Variants in SBNO2 observed in about 807,000 individuals in gnomAD.
The protein encoded by SBNO2 is protein strawberry notch homolog 2.
A neutral mutation model predicts 146.3 loss-of-function variants in SBNO2; 89 were observed. That is an observed-to-expected ratio of 0.61 (90% confidence interval 0.51 to 0.73). The LOEUF is 0.73. Ranked by LOEUF, SBNO2 falls within the 30% of genes least tolerant of loss-of-function variation. The pLI, the probability that SBNO2 is intolerant of heterozygous loss-of-function variation, is 0.00. For missense variants in SBNO2, 2,092 were observed against 2,003.7 expected, an observed-to-expected ratio of 1.04 and a Z score of -0.84; for synonymous variants, 1,147 against 892.6, an observed-to-expected ratio of 1.29 and a Z score of -5.08.
At position 1,150,557 on chromosome 19, in the gene SBNO2, C is replaced by T. The variant is rs1430037366; in HGVS notation, c.94-1115G>A. Among the ~76,000 whole-genome samples the T allele has an allele frequency of 1.3e-4, 19 of 151,904 alleles. No homozygotes were observed. Among genetic ancestry groups the T allele is most frequent in the South Asian group, 4.2e-4 (2 of 4,810 alleles). On this transcript the variant is annotated intron_variant, in intron 2 of 31. Coordinates refer to ENST00000361757, the MANE Select transcript of SBNO2 (RefSeq NM_014963.3). The surrounding 1 kb of genome is among the most constrained non-coding windows in gnomAD (Gnocchi z 6.2). ...ACGGGGGAGACCCTGCCGTCACGGA[C>T]GCCCCCGTGGTCATGGGGGAGACAC... is the stretch of plus-strand genomic sequence containing the variant.
intron 1 of SBNO2, among the ~76,000 whole-genome samples, chr19:1,164,399 GAGGAGGAGGAGGAGGAGGAAC>G (rs1220181551): frequency 7.0e-5 from 7 of 99,416 alleles, no homozygotes; most frequent in South Asian, 4.0e-4. Flanking sequence ...GGAGGAGGAG[GAGGAGGAGGAGGAGGAGGAAC>G]AGGAGGAGGA....
At chr19:1,146,192 C>T (rs911721574) in intron 4 of SBNO2, among the ~76,000 whole-genome samples, 3 of 152,212 alleles carry the variant, frequency 2.0e-5, no homozygotes, top group South Asian at 4.1e-4. Context: ...CCAAAAAGAC[C>T]CTACTTTCCA....
chr19:1,122,320 G>T, intron 10 of SBNO2, 38 bp from the exon 11 acceptor site: 1 of 1,528,140 alleles, frequency 6.5e-7, no homozygotes, highest in Admixed American at 2.0e-5. Flanking sequence ...TGGGGCCCCG[G>T]CTCAGCAGGC....
rs1231850033 is a variant in SBNO2, at chr19:1,112,800, T to C, written c.2379+18A>G. The stretch of plus-strand genomic sequence containing the variant: ...CTTGGGTCCCGTGGGCCGCGCCCAG[T>C]GCACTGCAGCCCCGCACCTTCTCGC... On this transcript the variant is annotated intron_variant, in intron 20 of 31. Transcript: ENST00000361757. The surrounding 1 kb of genome is among the most constrained non-coding windows in gnomAD (Gnocchi z 5.9). 1 of 1,558,454 alleles carries C rather than the reference T, an allele frequency of 6.4e-7. No homozygotes were observed. The highest frequency in any genetic ancestry group is 1.9e-5 in the Admixed American group (1 of 52,670).
In SBNO2 at chr19:1,109,102, C is replaced by T. The variant is rs746360732; in HGVS notation, c.3425+33G>A. ...TCCCCGCCTGGGTCGCCGCCATCTG[C>T]CGGTTTCCCCCTGGTCCCCGGCCCG... On this transcript the variant is annotated intron_variant, in intron 30 of 31. Coordinates refer to ENST00000361757, the MANE Select transcript of SBNO2 (RefSeq NM_014963.3). The surrounding 1 kb of genome is among the most constrained non-coding windows in gnomAD (Gnocchi z 4.2). 2 of 1,544,952 alleles carry T rather than the reference C, an allele frequency of 1.3e-6. No individual in the cohort carries two copies. Among genetic ancestry groups the T allele is most frequent in the Non-Finnish European group, 8.7e-7 (1 of 1,144,574 alleles).
intron 15 of SBNO2, 128 bp downstream of exon 15, chr19:1,117,195 G>A (rs554371737): frequency 2.5e-5 from 24 of 971,960 alleles, no homozygotes; most frequent in Admixed American, 5.6e-5. Context: ...ACATCCGGGC[G>A]TCTCTCACCC....
In SBNO2 at chr19:1,140,901, G is replaced by A. The variant is rs187686553; in HGVS notation, c.279+6408C>T. ...CAACACGCGCAACGCCAGGCACTCC[G>A]GTCCACGCCGCACTGTACATGGTGC... On this transcript the variant is annotated intron_variant, in intron 4 of 31. Transcript: ENST00000361757. This position sits in a 1 kb window ranked among gnomAD's most constrained non-coding sequence, Gnocchi z 4.4. Among the ~76,000 whole-genome samples, 51 of 152,282 alleles carry A rather than the reference G, an allele frequency of 3.3e-4. No homozygotes were observed. Among genetic ancestry groups the A allele is most frequent in the African/African-American group, 1.1e-3 (44 of 41,562 alleles).
rs1470669343 is a variant in SBNO2, at chr19:1,109,266, G to C, written c.3348+26C>G. On this transcript the variant is annotated intron_variant, in intron 29 of 31. Coordinates refer to ENST00000361757, the MANE Select transcript of SBNO2 (RefSeq NM_014963.3). The surrounding 1 kb of genome is among the most constrained non-coding windows in gnomAD (Gnocchi z 4.2). Reference sequence around the variant, plus strand: ...CGGGGTCAGGGCCGGCAACCCGAGCGAAAGCTGCGCCCGGCGGCCGCCTAC... The same window carrying C: ...CGGGGTCAGGGCCGGCAACCCGAGCCAAAGCTGCGCCCGGCGGCCGCCTAC... The C allele has an allele frequency of 6.3e-7, 1 of 1,583,208 alleles. No homozygotes were observed.
intron 4 of SBNO2, among the ~76,000 whole-genome samples, chr19:1,130,575 T>G (rs2080017392): frequency 6.6e-6 from 1 of 151,994 alleles, no homozygotes; most frequent in African/African-American, 2.4e-5. Context: ...AAGAATCACT[T>G]GAGCCCAGGA....
intron 11 of SBNO2, among the ~76,000 whole-genome samples, chr19:1,120,339 C>A: frequency 6.6e-6 from 1 of 152,250 alleles, no homozygotes; most frequent in East Asian, 1.9e-4. Context: ...ACGTTGCCAT[C>A]GGAGGAGGAT....
chr19:1,122,948 C>A lies in SBNO2; in HGVS notation c.726G>T (p.Ser242=). The change falls in exon 8 of 32, where the codon TCG becomes TCT. Residue 242 remains serine (S), a synonymous_variant. Coordinates refer to ENST00000361757, the MANE Select transcript of SBNO2 (RefSeq NM_014963.3). ...GCAGGGCAGACAGGGCCCCGCTGTCCGAGGGCAGGGCCAGGGTGTAGGTGA... is the reference window on the plus strand; with the variant it reads ...GCAGGGCAGACAGGGCCCCGCTGTCAGAGGGCAGGGCCAGGGTGTAGGTGA... ...PDITYTLALP[S]DSGALSALQL... The A allele has an allele frequency of 1.3e-6, 2 of 1,563,116 alleles. No homozygotes were observed. Among genetic ancestry groups the A allele is most frequent in the South Asian group, 2.4e-5 (2 of 84,718 alleles).
At position 1,109,505 on chromosome 19, in the gene SBNO2, C is replaced by A; in HGVS notation, c.3216+1G>T. 1 of 1,594,262 alleles carries A rather than the reference C, an allele frequency of 6.3e-7. No individual in the cohort carries two copies. Among genetic ancestry groups the A allele is most frequent in the Non-Finnish European group, 8.5e-7 (1 of 1,171,838 alleles). On this transcript the variant is annotated splice_donor_variant, in intron 28 of 31. Transcript: ENST00000361757. LOFTEE classifies it high-confidence loss of function. The surrounding 1 kb of genome is among the most constrained non-coding windows in gnomAD (Gnocchi z 4.2). The stretch of plus-strand genomic sequence containing the variant: ...GGGGGGGTAACCCCGCCCGACCCCA[C>A]CTTGTAGGAGAGGTAGAAGCCGTCA...
intron 4 of SBNO2, among the ~76,000 whole-genome samples, chr19:1,135,221 G>A (rs559836360): frequency 2.1e-4 from 32 of 151,986 alleles, no homozygotes; most frequent in African/African-American, 7.0e-4. Flanking sequence ...AACCAGCTGC[G>A]CATGGTGGCG....
At chr19:1,152,603 G>A (rs2080253125) in intron 2 of SBNO2, among the ~76,000 whole-genome samples, 1 of 152,172 alleles carries the variant, frequency 6.6e-6, no homozygotes, top group African/African-American at 2.4e-5. Flanking sequence ...GAGGGGGACA[G>A]GAGGGGTCTG....
chr19:1,128,300 C>A (rs772342742), intron 4 of SBNO2: 8 of 405,018 alleles, frequency 2.0e-5, no homozygotes, highest in Non-Finnish European at 3.9e-5. Flanking sequence ...GTGCCGGAGG[C>A]AGGGGCGGGG....
At chr19:1,114,533 A>G (rs2079808490) in intron 17 of SBNO2, 111 bp from the exon 18 acceptor site, 2 of 888,232 alleles carry the variant, frequency 2.3e-6, no homozygotes, top group Admixed American at 3.4e-5. Flanking sequence ...GGGGAGGTCC[A>G]TCCGAGAACC....
chr19:1,129,090 A>C (rs1485126341), intron 4 of SBNO2, among the ~76,000 whole-genome samples: 1 of 151,860 alleles, frequency 6.6e-6, no homozygotes, highest in South Asian at 2.1e-4. Flanking sequence ...AATATGGTAA[A>C]ACCCTGTCTT....
At position 1,122,153 on chromosome 19, in the gene SBNO2, C is replaced by T. The variant is rs1486970188; in HGVS notation, c.1135G>A (p.Ala379Thr). Reference sequence around the variant, plus strand: ...CAGCAGGATACGACGCCCTCGAAGGCCTCCCCACACCAGTCCAGGATCTGC... The same window carrying T: ...CAGCAGGATACGACGCCCTCGAAGGTCTCCCCACACCAGTCCAGGATCTGC... ...LRQILDWCGE[A>T]FEGVIVFDEC... The change falls in exon 11 of 32, where the codon GCC (alanine) becomes ACC (threonine). Residue 379 changes from alanine to threonine, a missense_variant. Physicochemically the swap from Ala to Thr is moderately conservative, Grantham distance 58. Coordinates refer to ENST00000361757, the MANE Select transcript of SBNO2 (RefSeq NM_014963.3). The T allele has an allele frequency of 1.4e-6, 2 of 1,463,578 alleles. No individual in the cohort carries two copies. The highest frequency in any genetic ancestry group is 1.4e-5 in the African/African-American group (1 of 69,982). 90.7% of individuals were successfully genotyped at this position (1,463,578 alleles called of 1,614,324 possible).
rs1250343005 is a variant in SBNO2, at chr19:1,109,954, C to G, written c.3029-177G>C. ...GGGGATGGTGCACGTGGGCCCCAACCTGGCAACCGCTCAGGTCCTAGGTAA... is the reference window on the plus strand; with the variant it reads ...GGGGATGGTGCACGTGGGCCCCAACGTGGCAACCGCTCAGGTCCTAGGTAA... On this transcript the variant is annotated intron_variant, in intron 26 of 31. Transcript: ENST00000361757. This position sits in a 1 kb window ranked among gnomAD's most constrained non-coding sequence, Gnocchi z 4.2. Among the ~76,000 whole-genome samples the G allele has an allele frequency of 2.0e-5, 3 of 152,014 alleles. No individual in the cohort carries two copies. The highest frequency in any genetic ancestry group is 2.9e-5 in the Non-Finnish European group (2 of 67,976).
Sources: gnomAD v4.1 joint callset for allele counts (sites outside exome capture counted in the v4.1 genomes callset) on GRCh38, gnomAD v4.1.1 for gene constraint, Gnocchi (gnomAD v3.1) non-coding constraint, MANE v1.5 for transcripts, NCBI Gene and HGNC (gene_info 2026-07-23, HGNC 2026-07-21) for gene names.